The following APPL2 variants were observed in gnomAD, a reference collection of about 807,000 sequenced individuals.
APPL2 encodes the protein DCC-interacting protein 13-beta.
Under a neutral mutation model 92.7 loss-of-function variants are expected in APPL2, and 84 were observed. That is an observed-to-expected ratio of 0.91 (90% CI 0.76 to 1.09). APPL2 has a LOEUF of 1.09. APPL2 is among the 50% of genes least tolerant of loss of function. The pLI is 0.00. For synonymous variants in APPL2, 291 were observed against 291.0 expected (o/e 1.00, Z 0.00); for missense variants, 736 against 824.5 (o/e 0.89, Z 1.31).
intron 6 of APPL2, 52 bp from the exon 7 acceptor site, chr12:105,208,081 A>G: frequency 1.2e-6 from 2 of 1,613,530 alleles, no homozygotes; most frequent in Non-Finnish European, 1.7e-6. Flanking sequence ...TCGAAAGGGA[A>G]GAACATTCAT....
rs200064317 is a variant in APPL2, at chr12:105,189,021, C to CT, written c.1460-575dup. 5.1e-3 allele frequency among the ~76,000 whole-genome samples: 776 copies of CT among 151,852 alleles called. 12 individuals are homozygous for CT. The highest frequency in any genetic ancestry group is 0.042 in the Admixed American group (636 of 15,262). On this transcript the variant is annotated intron_variant, in intron 16 of 20. Transcript: ENST00000258530. ...ACTAGAAGACCAAAGAAGGTTTTTT[C>CT]TTTTTTTTCTTTTTTGAGACAGGGT...
At chr12:105,214,139 T>C (rs1239734368) in intron 4 of APPL2, among the ~76,000 whole-genome samples, 1 of 152,164 alleles carries the variant, frequency 6.6e-6, no homozygotes, top group Non-Finnish European at 1.5e-5. Context: ...TGAGCCAAGA[T>C]CGTGCCATTG....
In APPL2 at chr12:105,195,276, T is replaced by G. The variant is rs1416161595; in HGVS notation, c.1226A>C (p.Glu409Ala). 3.1e-6 allele frequency: 5 copies of G among 1,614,132 alleles called. No individual in the cohort carries two copies. The highest frequency in any genetic ancestry group is 4.2e-6 in the Non-Finnish European group (5 of 1,180,040). Residue 409 changes from glutamate (E) to alanine (A), a missense_variant, in exon 14 of 21, where the codon GAA (glutamate) becomes GCA (alanine). By Grantham distance (107) the Glu-to-Ala change is moderately radical. Coordinates refer to ENST00000258530, the MANE Select transcript of APPL2 (RefSeq NM_018171.5). ...TPITSFGKKQ[E>A]SSCPSQNLKN... ...CTTTAGTTACCTGGGGCATGAGCTT[T>G]CTTGTTTTTTTCCAAAACTTGTAAT...
At chr12:105,193,726 T>C (rs141376639) in intron 14 of APPL2, among the ~76,000 whole-genome samples, 1 of 152,176 alleles carries the variant, frequency 6.6e-6, no homozygotes, top group African/African-American at 2.4e-5. Flanking sequence ...TCCTCTTTTT[T>C]AAAAACATTT....
chr12:105,214,301 G>A (rs1223282540), intron 4 of APPL2, among the ~76,000 whole-genome samples: 1 of 152,246 alleles, frequency 6.6e-6, no homozygotes, highest in Non-Finnish European at 1.5e-5. Flanking sequence ...ATTTTAAACT[G>A]GAAATCTTGC....
intron 17 of APPL2, among the ~76,000 whole-genome samples, chr12:105,186,636 C>T (rs57414678): frequency 2.3e-5 from 2 of 88,650 alleles, no homozygotes; most frequent in African/African-American, 7.1e-5. Context: ...TCATATATAT[C>T]ATATATATGA....
chr12:105,219,610 A>G (rs1032951913), intron 2 of APPL2, among the ~76,000 whole-genome samples: 1 of 152,274 alleles, frequency 6.6e-6, no homozygotes, highest in Non-Finnish European at 1.5e-5. Flanking sequence ...AGTTTAAAAC[A>G]ATACCTGAAA....
At chr12:105,215,486 C>T (rs1238425819) in intron 4 of APPL2, among the ~76,000 whole-genome samples, 2 of 152,196 alleles carry the variant, frequency 1.3e-5, no homozygotes, top group African/African-American at 4.8e-5. Context: ...TTCACTTTTA[C>T]ATCCCCCGTG....
At chr12:105,202,174 A>G (rs1888265278) in intron 9 of APPL2, among the ~76,000 whole-genome samples, 1 of 152,222 alleles carries the variant, frequency 6.6e-6, no homozygotes, top group African/African-American at 2.4e-5. Context: ...GCTGCCTGTC[A>G]CCCCATAACT....
At position 105,229,172 on chromosome 12, in the gene APPL2, A is replaced by C. The variant is rs200398672; in HGVS notation, c.106T>G (p.Tyr36Asp). 6.2e-7 allele frequency: 1 copy of C among 1,613,770 alleles called. No individual in the cohort carries two copies. Among genetic ancestry groups the C allele is most frequent in the African/African-American group, 1.3e-5 (1 of 75,024 alleles). Residue 36 changes from tyrosine to aspartate, a missense_variant, in exon 2 of 21, where the codon TAT (tyrosine) becomes GAT (aspartate). Physicochemically the swap from Tyr to Asp is radical, Grantham distance 160. Transcript: ENST00000258530. Reference protein sequence around the residue: ...FEEDAGTLTDYTNQLLQAMQR... With the variant: ...FEEDAGTLTDDTNQLLQAMQR... ...ATTGCCTGGAGCAGCTGGTTGGTAT[A>C]GTCTGTGAGGGTGCCAGCATCTTCT...
At chr12:105,193,216 C>T (rs1887374035) in intron 14 of APPL2, among the ~76,000 whole-genome samples, 1 of 152,150 alleles carries the variant, frequency 6.6e-6, no homozygotes, top group Admixed American at 6.6e-5. Context: ...AAGTCAGTTA[C>T]TGAATAATTA....
chr12:105,175,042 C>G (rs1208371329), intron 20 of APPL2, among the ~76,000 whole-genome samples: 1 of 152,134 alleles, frequency 6.6e-6, no homozygotes, highest in Non-Finnish European at 1.5e-5. Flanking sequence ...CACCACCACA[C>G]CCGGCTAATT....
chr12:105,190,113 C>G lies in APPL2; in HGVS notation c.1284G>C (p.Lys428Asn). The change falls in exon 15 of 21, where the codon AAG becomes AAC. Residue 428 changes from lysine to asparagine, a missense_variant. Transcript: ENST00000258530. Reference sequence around the variant, plus strand: ...GACTGGCTGTTGCTTTGGGAACAATCTTGTCATTTTCATTTTCCATCTCTG... The same window carrying G: ...GACTGGCTGTTGCTTTGGGAACAATGTTGTCATTTTCATTTTCCATCTCTG... ...KNSEMENEND[K>N]IVPKATASLP... The G allele has an allele frequency of 6.2e-7, 1 of 1,614,100 alleles. No homozygotes were observed. Among genetic ancestry groups the G allele is most frequent in the Non-Finnish European group, 8.5e-7 (1 of 1,180,008 alleles).
chr12:105,215,571 T>C (rs1889616066), intron 4 of APPL2, among the ~76,000 whole-genome samples: 1 of 152,202 alleles, frequency 6.6e-6, no homozygotes, highest in African/African-American at 2.4e-5. Flanking sequence ...TTGAACTGGT[T>C]TGTTGAATAA....
intron 17 of APPL2, among the ~76,000 whole-genome samples, chr12:105,179,364 A>G (rs549671455): frequency 2.0e-5 from 3 of 152,146 alleles, no homozygotes; most frequent in East Asian, 3.9e-4. Context: ...TATGTGCCAC[A>G]TTTTCTTTAT....
intron 2 of APPL2, among the ~76,000 whole-genome samples, chr12:105,223,309 T>C (rs960773059): frequency 4.6e-5 from 7 of 152,160 alleles, no homozygotes; most frequent in African/African-American, 1.7e-4. Context: ...GTCTGGAAAG[T>C]GGCAAGGGCC....
At chr12:105,198,182 G>A (rs962476942) in intron 10 of APPL2, among the ~76,000 whole-genome samples, 13 of 152,148 alleles carry the variant, frequency 8.5e-5, no homozygotes, top group Admixed American at 7.2e-4. Flanking sequence ...ACCAGTCCCA[G>A]GGCCGACTCC....
rs983492227 is a variant in APPL2 at position 105,215,345 on chromosome 12, G to A, written c.285+1724C>T. ...AGTTAGTGTCACAGAATTGCTTGAT[G>A]TGGGGAAAACCCACACATTTTGGTG... On this transcript the variant is annotated intron_variant, in intron 4 of 20. Coordinates refer to ENST00000258530, the MANE Select transcript of APPL2 (RefSeq NM_018171.5). 4.6e-5 allele frequency among the ~76,000 whole-genome samples: 7 copies of A among 152,232 alleles called. 1 individual carries two copies. The highest frequency in any genetic ancestry group is 1.3e-4 in the Admixed American group (2 of 15,288).
rs1195258528 is a variant in APPL2, at chr12:105,195,501, A to G, written c.1096T>C (p.Trp366Arg). The G allele has an allele frequency of 1.9e-6, 3 of 1,614,096 alleles. No homozygotes were observed. The African/African-American group carries it at 4.0e-5, about 22-fold the overall frequency. ...QAESRKENEE[W>R]ICAINNISRQ... is the part of the protein sequence containing the mutation. ...GAGATGTTGTTTATTGCACATATCC[A>G]CTGTAGAGGACATTAAAAAAGAACA... Residue 366 changes from tryptophan to arginine, a missense_variant and splice_region_variant, in exon 13 of 21, where the codon TGG becomes CGG. Trp to Arg is a moderately radical substitution (Grantham distance 101). Transcript: ENST00000258530.
Sources: gnomAD v4.1 joint callset for allele counts (sites outside exome capture counted in the v4.1 genomes callset) on GRCh38, gnomAD v4.1.1 for gene constraint, MANE v1.5 for transcripts, NCBI Gene and HGNC (gene_info 2026-07-23, HGNC 2026-07-21) for gene names.